Variants in LRRC4C observed in about 807,000 individuals in gnomAD.
The protein encoded by LRRC4C is leucine-rich repeat-containing protein 4C.
In LRRC4C, 5 loss-of-function variants were observed where a neutral mutation model predicts 33.6. The ratio of observed to expected loss-of-function variants is 0.15; its 90% confidence interval spans 0.08 to 0.31. The LOEUF (loss-of-function observed/expected upper bound fraction) is 0.31, where lower values mean the gene tolerates loss of function less well. Among genes scored for constraint, LRRC4C ranks in the 10% least tolerant of loss-of-function variants. The pLI is 1.00. For missense variants in LRRC4C, 560 were observed against 796.7 expected (o/e 0.70, Z 3.58); for synonymous variants, 329 against 302.0 (o/e 1.09, Z -0.93).
chr11:41,173,727 C>T (rs181905293), intron 1 of LRRC4C, among the ~76,000 whole-genome samples: 144 of 152,240 alleles, frequency 9.5e-4, no homozygotes, highest in African/African-American at 3.4e-3. Context: ...TGTCACTAAT[C>T]TGCCACCCCA....
At chr11:41,214,728 CG>C (rs1565485526) in intron 1 of LRRC4C, among the ~76,000 whole-genome samples, 4 of 146,242 alleles carry the variant, frequency 2.7e-5, no homozygotes, top group African/African-American at 1.0e-4. Flanking sequence ...CCAGCCTGGG[CG>C]ACAGAGCCAG....
chr11:40,745,011 G>A (rs1948346641), intron 2 of LRRC4C, among the ~76,000 whole-genome samples: 1 of 152,020 alleles, frequency 6.6e-6, no homozygotes, highest in African/African-American at 2.4e-5. Flanking sequence ...TTTAAATTAA[G>A]GCATTGCATA....
chr11:41,245,362 G>A lies in LRRC4C; in HGVS notation c.-496+214069C>T, dbSNP rs190266841. Among the ~76,000 whole-genome samples the A allele has an allele frequency of 1.5e-4, 23 of 152,262 alleles. No homozygotes were observed. In the East Asian group the frequency reaches 3.9e-3, roughly 26 times the overall value. On this transcript the variant is annotated intron_variant, in intron 1 of 6. Transcript: ENST00000528697. ...AGCCAGGCATGGAGCACGAAACAGC[G>A]AGGGGTGTGTAAGTGAGGGAGCCTG... is the stretch of plus-strand genomic sequence containing the variant.
chr11:40,609,661 T>C (rs1444689287), intron 3 of LRRC4C, among the ~76,000 whole-genome samples: 4 of 151,530 alleles, frequency 2.6e-5, no homozygotes, highest in Non-Finnish European at 4.4e-5. Context: ...ATCTTTAAAC[T>C]AGGAAAAAAG....
intron 3 of LRRC4C, among the ~76,000 whole-genome samples, chr11:40,599,607 C>A (rs1310854792): frequency 2.0e-5 from 3 of 152,158 alleles, no homozygotes; most frequent in African/African-American, 7.2e-5. Context: ...GCCTCCTCCA[C>A]TAGAATGAAT....
At chr11:40,159,193 A>G (rs530503455) in intron 5 of LRRC4C, among the ~76,000 whole-genome samples, 16 of 152,260 alleles carry the variant, frequency 1.1e-4, no homozygotes, top group African/African-American at 3.9e-4. Context: ...GAGAATCCTT[A>G]TCAGGACAGA....
chr11:40,413,852 A>G (rs1950233643), intron 3 of LRRC4C, among the ~76,000 whole-genome samples: 1 of 152,106 alleles, frequency 6.6e-6, no homozygotes, highest in East Asian at 1.9e-4. Context: ...TGCCAAAACT[A>G]CGTTTGAATC....
intron 1 of LRRC4C, chr11:41,423,874 C>T (rs190025854): frequency 4.6e-5 from 7 of 152,042 alleles, no homozygotes; most frequent in South Asian, 4.2e-4. Flanking sequence ...GGCTTTGTCC[C>T]GACCCAAATC....
chr11:40,746,167 C>T (rs1948407237), intron 2 of LRRC4C, among the ~76,000 whole-genome samples: 1 of 152,102 alleles, frequency 6.6e-6, no homozygotes, highest in African/African-American at 2.4e-5. Flanking sequence ...CTTAGTAGTC[C>T]ATGTTTCCAC....
intron 1 of LRRC4C, among the ~76,000 whole-genome samples, chr11:41,362,545 G>A (rs1048483812): frequency 6.6e-6 from 1 of 151,924 alleles, no homozygotes; most frequent in East Asian, 1.9e-4. Flanking sequence ...ATCACTAAGG[G>A]GGTCCAGGGA....
chr11:41,312,441 C>T (rs1032332120), intron 1 of LRRC4C, among the ~76,000 whole-genome samples: 1 of 152,162 alleles, frequency 6.6e-6, no homozygotes, highest in Non-Finnish European at 1.5e-5. Context: ...TTGCCTTCAA[C>T]TCTCAGATGT....
intron 1 of LRRC4C, among the ~76,000 whole-genome samples, chr11:41,117,997 G>C (rs1942227103): frequency 6.6e-6 from 1 of 152,214 alleles, no homozygotes; most frequent in Admixed American, 6.5e-5. Flanking sequence ...ACTGACCTAA[G>C]ATAAGGAAGA....
intron 2 of LRRC4C, among the ~76,000 whole-genome samples, chr11:40,885,501 T>G (rs1053789043): frequency 3.3e-4 from 50 of 152,136 alleles, no homozygotes; most frequent in Admixed American, 2.8e-3. Flanking sequence ...AGATAGTTCA[T>G]CCATTTTCAT....
At chr11:40,277,792 C>T (rs1024021481) in intron 4 of LRRC4C, among the ~76,000 whole-genome samples, 1 of 152,014 alleles carries the variant, frequency 6.6e-6, no homozygotes, top group Non-Finnish European at 1.5e-5. Context: ...AAGGTAAAAC[C>T]TTTAGAGGGT....
intron 3 of LRRC4C, among the ~76,000 whole-genome samples, chr11:40,505,861 A>G (rs754530982): frequency 1.2e-4 from 18 of 151,626 alleles, no homozygotes; most frequent in Non-Finnish European, 2.4e-4. Flanking sequence ...CATTTTCTTA[A>G]TATTTATGCT....
intron 3 of LRRC4C, among the ~76,000 whole-genome samples, chr11:40,495,811 A>ATTTTTTTTT (rs1565445743): frequency 1.9e-5 from 1 of 51,908 alleles, no homozygotes; most frequent in Non-Finnish European, 4.1e-5. Flanking sequence ...CTCAATAAAC[A>ATTTTTTTTT]TGTTTTTTTT....
intron 1 of LRRC4C, among the ~76,000 whole-genome samples, chr11:41,254,459 A>C (rs539019908): frequency 6.6e-6 from 1 of 152,116 alleles, no homozygotes; most frequent in Admixed American, 6.6e-5. Context: ...CAAGACCCAA[A>C]CCTAAATAAA....
rs574505251 is a variant in LRRC4C at position 41,334,161 on chromosome 11, C to T, written c.-496+125270G>A. Among the ~76,000 whole-genome samples the T allele has an allele frequency of 7.2e-5, 11 of 152,290 alleles. 2 individuals carry two copies. In the South Asian group the frequency reaches 2.1e-3, roughly 29 times the overall value. Reference sequence around the variant, plus strand: ...TAGAAAACTTGAGCACTTCTCCAAACTCTAAGTACTGTTTTTGCTCATTTC... The same window carrying T: ...TAGAAAACTTGAGCACTTCTCCAAATTCTAAGTACTGTTTTTGCTCATTTC... On this transcript the variant is annotated intron_variant, in intron 1 of 6. Coordinates refer to ENST00000528697, the MANE Select transcript of LRRC4C (RefSeq NM_001258419.2).
Position 41,192,374 on chromosome 11 carries a change from C to A in LRRC4C, c.-495-258651G>T, listed in dbSNP as rs184030651. On this transcript the variant is annotated intron_variant, in intron 1 of 6. Coordinates refer to ENST00000528697, the MANE Select transcript of LRRC4C (RefSeq NM_001258419.2). ...TGTGTTCAGTACTTTACAGAATTGA[C>A]AACAGGGCTAATCAAGAAGATCATA... is the stretch of plus-strand genomic sequence containing the variant. Among the ~76,000 whole-genome samples, 4 of 146,940 alleles carry A rather than the reference C, an allele frequency of 2.7e-5. No individual in the cohort carries two copies. In the East Asian group the frequency reaches 8.2e-4, roughly 30 times the overall value.
Sources: allele counts gnomAD v4.1 joint callset (sites outside exome capture counted in the v4.1 genomes callset), GRCh38; gene constraint gnomAD v4.1.1; transcripts MANE v1.5; gene names NCBI Gene and HGNC (gene_info 2026-07-23, HGNC 2026-07-21).